The following PDE10A variants were observed in gnomAD, a reference collection of about 807,000 sequenced individuals.
PDE10A encodes phosphodiesterase 10A.
Under a neutral mutation model 97.7 loss-of-function variants are expected in PDE10A, and 39 were observed. The ratio of observed to expected loss-of-function variants is 0.40; its 90% CI spans 0.31 to 0.52. PDE10A has a LOEUF of 0.52. PDE10A is among the 20% of genes least tolerant of loss of function. The pLI, the probability that PDE10A is intolerant of heterozygous loss-of-function variation, is 0.56. For missense variants in PDE10A, 731 were observed against 1,047.8 expected, an observed-to-expected ratio of 0.70 and a Z score of 4.17; for synonymous variants, 371 against 376.8, an observed-to-expected ratio of 0.98 and a Z score of 0.18.
At chr6:165,852,324 A>C (rs1185542992) in intron 1 of PDE10A, among the ~76,000 whole-genome samples, 1 of 152,210 alleles carries the variant, frequency 6.6e-6, no homozygotes, top group Non-Finnish European at 1.5e-5. Context: ...CAGCATGTGG[A>C]CGTAGTTTCA....
intron 1 of PDE10A, among the ~76,000 whole-genome samples, chr6:165,776,554 T>C (rs1778189661): frequency 6.6e-6 from 1 of 152,234 alleles, no homozygotes; most frequent in Non-Finnish European, 1.5e-5. Context: ...ATGACCTTAA[T>C]AATGGCATTC....
chr6:165,721,681 G>A (rs117611442), intron 1 of PDE10A, among the ~76,000 whole-genome samples: 269 of 152,284 alleles, frequency 1.8e-3, no homozygotes, highest in South Asian at 4.3e-3. Flanking sequence ...ATTCCCATTC[G>A]AGAGAGATCT....
chr6:165,488,029 CAAAAA>C (rs58319021), intron 2 of PDE10A, among the ~76,000 whole-genome samples: 24,563 of 82,918 alleles, frequency 0.3, 2,062 homozygotes, highest in East Asian at 0.39. Context: ...AACAAATTGG[CAAAAA>C]AAAAAAAAAA....
chr6:165,983,998 T>TGG (rs1785102076), intron 1 of PDE10A, among the ~76,000 whole-genome samples: 1 of 152,270 alleles, frequency 6.6e-6, no homozygotes, highest in African/African-American at 2.4e-5. Flanking sequence ...ACTGCAGGCA[T>TGG]GGGCCATGGT....
At chr6:165,481,088 A>AAC (rs1398771942) in intron 3 of PDE10A, among the ~76,000 whole-genome samples, 1 of 152,222 alleles carries the variant, frequency 6.6e-6, no homozygotes, top group Admixed American at 6.5e-5. Flanking sequence ...ACACTGTCTG[A>AAC]ACACATGGCA....
intron 1 of PDE10A, among the ~76,000 whole-genome samples, chr6:165,883,427 AGCTACTCAGGAG>A (rs1583230582): frequency 1.3e-5 from 2 of 152,132 alleles, no homozygotes; most frequent in Middle Eastern, 6.8e-3. Context: ...CTGTAATCCC[AGCTACTCAGGAG>A]GCTGAGGGAG....
In PDE10A at chr6:165,729,492, C is replaced by A. The variant is rs78677012; in HGVS notation, c.-614-185924G>T. Among the ~76,000 whole-genome samples the A allele has an allele frequency of 4.7e-3, 709 of 152,278 alleles. 7 individuals are homozygous for A. The highest frequency in any genetic ancestry group is 0.016 in the African/African-American group (682 of 41,556). On this transcript the variant is annotated intron_variant, in intron 1 of 19. Coordinates refer to the PDE10A transcript ENST00000366882. ...TGAAATAATAAATAAGCACTACCTG[C>A]TCCTACCACAGGGGGGCAGCAACCC...
At chr6:165,511,296 G>C (rs1187900507) in intron 2 of PDE10A, among the ~76,000 whole-genome samples, 1 of 151,872 alleles carries the variant, frequency 6.6e-6, no homozygotes, top group Non-Finnish European at 1.5e-5. Context: ...GGTTATTTGG[G>C]AGTATCTTGT....
chr6:165,639,393 A>C (rs1381987077), intron 1 of PDE10A, among the ~76,000 whole-genome samples: 5 of 152,144 alleles, frequency 3.3e-5, no homozygotes, highest in Non-Finnish European at 7.4e-5. Flanking sequence ...TTTATTTTTA[A>C]AGAAAGCCAT....
intron 1 of PDE10A, among the ~76,000 whole-genome samples, chr6:165,616,469 C>A (rs3008017): frequency 0.11 from 16,046 of 152,070 alleles, 845 homozygotes; most frequent in Middle Eastern, 0.13. Flanking sequence ...TTTAGAAAAA[C>A]GTTTTTTTTA....
intron 1 of PDE10A, among the ~76,000 whole-genome samples, chr6:165,898,617 C>G (rs1189951526): frequency 1.3e-5 from 2 of 151,884 alleles, no homozygotes; most frequent in African/African-American, 4.8e-5. Flanking sequence ...CCTGGGAATC[C>G]CATACCCTGA....
chr6:165,457,594 G>A (rs952850448), intron 3 of PDE10A, among the ~76,000 whole-genome samples: 2 of 152,042 alleles, frequency 1.3e-5, no homozygotes, highest in Non-Finnish European at 2.9e-5. Context: ...GCTACATCAG[G>A]TTCTGTCCAA....
chr6:165,762,557 A>G (rs551815764), intron 1 of PDE10A, among the ~76,000 whole-genome samples: 2 of 152,272 alleles, frequency 1.3e-5, no homozygotes, highest in East Asian at 1.9e-4. Context: ...AATGTGGTAG[A>G]CCTATTCTGT....
Position 165,392,807 on chromosome 6 carries a change from A to G in PDE10A, c.2304-11T>C, listed in dbSNP as rs1397780528. 6.2e-7 allele frequency: 1 copy of G among 1,613,324 alleles called. No individual in the cohort carries two copies. Among genetic ancestry groups the G allele is most frequent in the African/African-American group, 1.3e-5 (1 of 74,924 alleles). On this transcript the variant is annotated splice_polypyrimidine_tract_variant and intron_variant, in intron 15 of 21. Transcript: ENST00000539869. ...TTTTCAAGCTCAAAGCTGCATGGAAAAGAAATTGTTATGACTGAAACCAGT... is the reference window on the plus strand; with the variant it reads ...TTTTCAAGCTCAAAGCTGCATGGAAGAGAAATTGTTATGACTGAAACCAGT...
chr6:165,347,200 G>A (rs1328375557), intron 18 of PDE10A, among the ~76,000 whole-genome samples: 1 of 151,742 alleles, frequency 6.6e-6, no homozygotes, highest in African/African-American at 2.4e-5. Flanking sequence ...TCATCAAAAT[G>A]TGACCTATTT....
intron 1 of PDE10A, among the ~76,000 whole-genome samples, chr6:165,798,706 C>T (rs1005902181): frequency 7.1e-6 from 1 of 140,848 alleles, no homozygotes; most frequent in Non-Finnish European, 1.6e-5. Flanking sequence ...AAATTTAAAC[C>T]AATCACACAC....
At chr6:165,959,447 A>G (rs958820608) in intron 1 of PDE10A, among the ~76,000 whole-genome samples, 2 of 152,230 alleles carry the variant, frequency 1.3e-5, no homozygotes, top group African/African-American at 4.8e-5. Context: ...ATAGTGAGCC[A>G]TTTATCCACT....
At chr6:165,780,782 C>T (rs925329999) in intron 1 of PDE10A, 1 of 152,334 alleles carries the variant, frequency 6.6e-6, no homozygotes, top group East Asian at 1.9e-4. Context: ...CCTCTCAACG[C>T]TTTTTCTTCA....
At chr6:165,474,608 GA>G (rs944620715) in intron 3 of PDE10A, among the ~76,000 whole-genome samples, 3 of 151,990 alleles carry the variant, frequency 2.0e-5, no homozygotes, top group African/African-American at 7.3e-5. Flanking sequence ...GGTACATTGT[GA>G]CATGGAATTT....
Sources: allele counts gnomAD v4.1 joint callset (sites outside exome capture counted in the v4.1 genomes callset), GRCh38; gene constraint gnomAD v4.1.1; transcripts MANE v1.5; gene names NCBI Gene and HGNC (gene_info 2026-07-23, HGNC 2026-07-21).